TRANK1: variants seen among roughly 807,000 people sequenced by gnomAD.
TRANK1 encodes tetratricopeptide repeat and ankyrin repeat containing 1.
In TRANK1, 198 loss-of-function variants were observed where a neutral mutation model predicts 266.0. The ratio of observed to expected loss-of-function variants is 0.74; its 90% CI spans 0.66 to 0.84. The LOEUF (loss-of-function observed/expected upper bound fraction) is 0.84. TRANK1 is among the 40% of genes least tolerant of loss of function. TRANK1 has a pLI of 0.00. For missense variants in TRANK1, 3,326 were observed against 3,634.6 expected (o/e 0.92, Z 2.18); for synonymous variants, 1,396 against 1,384.1 (o/e 1.01, Z -0.19).
At chr3:36,887,986 G>A (rs561244929) in intron 8 of TRANK1, among the ~76,000 whole-genome samples, 16 of 152,226 alleles carry the variant, frequency 1.1e-4, no homozygotes, top group African/African-American at 2.2e-4. Flanking sequence ...CATATGATCC[G>A]GCAATTCTAC....
rs377574608 is a variant in TRANK1 at position 36,852,279 on chromosome 3, C to T, written c.4616G>A (p.Arg1539His). ...LQFYFPESFD[R>H]LPRDSGLFDG... The stretch of plus-strand genomic sequence containing the variant: ...AAAGAGGCCAGAATCCCTTGGAAGG[C>T]GATCAAAAGATTCTGGGAAATAGAA... The change falls in exon 14 of 24, where the codon CGC becomes CAC. Residue 1539 changes from arginine to histidine, a missense_variant. Transcript: ENST00000645898. 1.9e-5 allele frequency: 31 copies of T among 1,612,350 alleles called. No individual in the cohort carries two copies. The highest frequency in any genetic ancestry group is 8.9e-5 in the East Asian group (4 of 44,854).
At position 36,908,398 on chromosome 3, in the gene TRANK1, T is replaced by A; in HGVS notation, c.80A>T (p.Lys27Met). 1 of 1,232,254 alleles carries A rather than the reference T, an allele frequency of 8.1e-7. No individual in the cohort carries two copies. 76.3% of individuals were successfully genotyped at this position (1,232,254 alleles called of 1,614,324 possible). A position where few individuals can be genotyped will look rare whatever the true frequency, so the allele number is the denominator to read the frequency against. Residue 27 changes from lysine (K) to methionine (M), a missense_variant, in exon 2 of 24, where the codon AAG (lysine) becomes ATG (methionine). Physicochemically the swap from Lys to Met is moderately conservative, Grantham distance 95. Transcript: ENST00000645898. ...LLKESGNQVLKNGNFSLAIRK... is the reference protein window; with the variant it reads ...LLKESGNQVLMNGNFSLAIRK... ...GATGGCCAAAGAGAAGTTCCCATTC[T>A]TAAGAACCTGGTTGCCGGATTCTTT...
Position 36,845,669 on chromosome 3 carries a change from A to C in TRANK1, c.5191+579T>G, listed in dbSNP as rs57219906. Reference sequence around the variant, plus strand: ...TTTATCTTTCACCCAATACATCTTGAACATCTTTCCTTAGCAGTAAATGAC... The same window carrying C: ...TTTATCTTTCACCCAATACATCTTGCACATCTTTCCTTAGCAGTAAATGAC... On this transcript the variant is annotated intron_variant, in intron 17 of 23. Transcript: ENST00000645898. 2.2e-3 allele frequency among the ~76,000 whole-genome samples: 332 copies of C among 152,324 alleles called. 2 individuals are homozygous for C. The highest frequency in any genetic ancestry group is 7.3e-3 in the African/African-American group (304 of 41,574).
Position 36,830,950 on chromosome 3 carries a change from A to G in TRANK1, c.8633T>C (p.Leu2878Pro), listed in dbSNP as rs755537160. 2 of 1,614,004 alleles carry G rather than the reference A, an allele frequency of 1.2e-6. No individual in the cohort carries two copies. The highest frequency in any genetic ancestry group is 1.7e-6 in the Non-Finnish European group (2 of 1,179,896). ...HVGSKEHSHM[L>P]QKVQEHIKRV... Reference sequence around the variant, plus strand: ...CTTGATGTGCTCCTGGACCTTCTGCAGCATGTGGCTGTGCTCCTTGGAGCC... The same window carrying G: ...CTTGATGTGCTCCTGGACCTTCTGCGGCATGTGGCTGTGCTCCTTGGAGCC... The change falls in exon 22 of 24, where the codon CTG (leucine) becomes CCG (proline). Residue 2878 changes from leucine (L) to proline (P), a missense_variant. Physicochemically the swap from Leu to Pro is moderately conservative, Grantham distance 98. Coordinates refer to ENST00000645898, the MANE Select transcript of TRANK1 (RefSeq NM_001329998.2).
In TRANK1 at chr3:36,855,791, G is replaced by A. The variant is rs766366207; in HGVS notation, c.3931C>T (p.Arg1311Cys). Residue 1311 changes from arginine to cysteine, a missense_variant, in exon 13 of 24, where the codon CGT becomes TGT. Arg to Cys is a radical substitution (Grantham distance 180, BLOSUM62 -3). Coordinates refer to ENST00000645898, the MANE Select transcript of TRANK1 (RefSeq NM_001329998.2). The stretch of plus-strand genomic sequence containing the variant: ...ACCCGGGGGTCACTGTCACCCGTAC[G>A]CATTTCTACAGCTTTATCCTCCTCA... The part of the protein sequence containing the change: ...YSEEDKAVEM[R>C]TGDSDPRVYV... 20 of 1,613,516 alleles carry A rather than the reference G, an allele frequency of 1.2e-5. No homozygotes were observed. Among genetic ancestry groups the A allele is most frequent in the South Asian group, 3.3e-5 (3 of 91,072 alleles).
intron 1 of TRANK1, among the ~76,000 whole-genome samples, chr3:36,927,574 A>C (rs2080305427): frequency 6.6e-6 from 1 of 152,200 alleles, no homozygotes; most frequent in African/African-American, 2.4e-5. Flanking sequence ...GTCTCCTGGC[A>C]GTCAGCTCCC....
chr3:36,886,137 T>G (rs1343750948), intron 8 of TRANK1, among the ~76,000 whole-genome samples: 28 of 146,066 alleles, frequency 1.9e-4, no homozygotes, highest in African/African-American at 6.3e-4. Context: ...TTGTTTTTTT[T>G]TTTTTTTTTT....
At chr3:36,874,501 T>A (rs1005329039) in intron 8 of TRANK1, among the ~76,000 whole-genome samples, 1 of 152,098 alleles carries the variant, frequency 6.6e-6, no homozygotes, top group Non-Finnish European at 1.5e-5. Flanking sequence ...GGAAGGACAA[T>A]AGCTTTCAAG....
intron 17 of TRANK1, among the ~76,000 whole-genome samples, chr3:36,843,648 A>C (rs2078878439): frequency 6.7e-6 from 1 of 150,214 alleles, no homozygotes; most frequent in Non-Finnish European, 1.5e-5. Flanking sequence ...GCAAGTTCTG[A>C]GCCACAGATT....
intron 1 of TRANK1, among the ~76,000 whole-genome samples, chr3:36,913,030 TTGTGTGTGTGTG>T (rs10633466): frequency 1.4e-5 from 2 of 144,172 alleles, no homozygotes; most frequent in Non-Finnish European, 3.0e-5. Context: ...TATGTCTCTT[TTGTGTGTGTGTG>T]TGTGTGTGTG....
At chr3:36,935,809 G>C (rs1370450397) in intron 1 of TRANK1, among the ~76,000 whole-genome samples, 1 of 152,236 alleles carries the variant, frequency 6.6e-6, no homozygotes, top group Non-Finnish European at 1.5e-5. Flanking sequence ...TGCAACCCAA[G>C]GGCTCAGCAT....
In TRANK1 at chr3:36,939,292, C is replaced by CAT. The variant is rs1459561874; in HGVS notation, c.23+5494_23+5495insAT. ...ACACACACACACACACACACACACA[C>CAT]ACACACGCCTCTACTTACCTTTCTA... On this transcript the variant is annotated intron_variant, in intron 1 of 23. Coordinates refer to ENST00000645898, the MANE Select transcript of TRANK1 (RefSeq NM_001329998.2). 3.3e-5 allele frequency among the ~76,000 whole-genome samples: 5 copies of CAT among 151,954 alleles called. No individual in the cohort carries two copies. The East Asian group carries it at 9.7e-4, about 30-fold the overall frequency.
At chr3:36,869,524 C>T (rs1416778767) in intron 9 of TRANK1, among the ~76,000 whole-genome samples, 2 of 152,230 alleles carry the variant, frequency 1.3e-5, no homozygotes, top group African/African-American at 4.8e-5. Context: ...ACAGATACAG[C>T]TCCCTAGCGG....
At chr3:36,879,740 A>G (rs1575248688) in intron 8 of TRANK1, among the ~76,000 whole-genome samples, 1 of 105,062 alleles carries the variant, frequency 9.5e-6, no homozygotes, top group African/African-American at 4.4e-5. Flanking sequence ...ATATAAATAT[A>G]CAAATATATA....
chr3:36,873,824 T>C (rs1048307307), intron 9 of TRANK1, among the ~76,000 whole-genome samples: 2 of 150,898 alleles, frequency 1.3e-5, no homozygotes, highest in Non-Finnish European at 1.5e-5. Context: ...TTCTGTCTAA[T>C]TTTTTTCCTT....
intron 1 of TRANK1, among the ~76,000 whole-genome samples, chr3:36,912,432 C>T (rs1377234276): frequency 1.3e-5 from 2 of 152,174 alleles, no homozygotes; most frequent in Non-Finnish European, 2.9e-5. Flanking sequence ...TTGGCTGGCA[C>T]TGAGCACTCT....
chr3:36,842,735 T>A, intron 17 of TRANK1, 25 bp from the exon 18 acceptor site: 1 of 1,601,428 alleles, frequency 6.2e-7, no homozygotes, highest in South Asian at 1.1e-5. Context: ...AAAAGTGTGT[T>A]TGCTTCTCTG....
rs60833390 is a variant in TRANK1, at chr3:36,892,852, C to CATATAT, written c.636+43_636+48dup. Reference sequence around the variant, plus strand: ...CAAAACAAAACAAAACAAAACAAAACATATATATATATATATATAGATATA... The same window carrying CATATAT: ...CAAAACAAAACAAAACAAAACAAAACATATATATATATATATATATATATAGATATA... On this transcript the variant is annotated intron_variant, in intron 6 of 23. Transcript: ENST00000645898. The CATATAT allele has an allele frequency of 2.0e-3, 1,191 of 581,954 alleles. 10 individuals carry two copies. In the African/African-American group the frequency reaches 0.022, roughly 11 times the overall value. The allele number at this position is 581,954 out of a possible 1,614,324, so 36.0% of individuals were successfully genotyped here. A position where few individuals can be genotyped will look rare whatever the true frequency, so the allele number is the denominator to read the frequency against.
rs771383391 is a variant in TRANK1 at position 36,832,621 on chromosome 3, C to A, written c.6962G>T (p.Arg2321Leu). The A allele has an allele frequency of 6.2e-7, 1 of 1,613,888 alleles. No individual in the cohort carries two copies. The highest frequency in any genetic ancestry group is 8.5e-7 in the Non-Finnish European group (1 of 1,179,870). Residue 2321 changes from arginine to leucine, a missense_variant, in exon 22 of 24, where the codon CGC becomes CTC. Physicochemically the swap from Arg to Leu is moderately radical, Grantham distance 102. Coordinates refer to ENST00000645898, the MANE Select transcript of TRANK1 (RefSeq NM_001329998.2). ...IHFLFENESA[R>L]NRRESTDLWL... ...CAGGTCTGTGGATTCCCGGCGGTTG[C>A]GTGCGCTTTCATTTTCAAACAGAAA...
Sources: gnomAD v4.1 joint callset for allele counts (sites outside exome capture counted in the v4.1 genomes callset) on GRCh38, gnomAD v4.1.1 for gene constraint, MANE v1.5 for transcripts, NCBI Gene and HGNC (gene_info 2026-07-23, HGNC 2026-07-21) for gene names.